FARS2: variants seen among roughly 807,000 people sequenced by gnomAD.
FARS2 encodes the protein phenylalanyl-tRNA synthetase 2, mitochondrial.
In FARS2, 40 loss-of-function variants were observed where a neutral mutation model predicts 46.4. That is an observed-to-expected ratio of 0.86 (90% CI 0.67 to 1.12). The LOEUF (loss-of-function observed/expected upper bound fraction) is 1.12, where lower values mean the gene tolerates loss of function less well. Among genes scored for constraint, FARS2 ranks in the 50% most tolerant of loss-of-function variants. FARS2 has a pLI of 0.00. For missense variants in FARS2, 513 were observed against 567.9 expected (o/e 0.90, Z 0.98); for synonymous variants, 234 against 214.9 (o/e 1.09, Z -0.78).
At chr6:5,737,095 A>T (rs1761000831) in intron 6 of FARS2, among the ~76,000 whole-genome samples, 1 of 152,206 alleles carries the variant, frequency 6.6e-6, no homozygotes, top group African/African-American at 2.4e-5. Flanking sequence ...AGCAACACAG[A>T]TGACCCTGCG....
At chr6:5,250,709 T>A in the FARS2 span, among the ~76,000 whole-genome samples, 1 of 142,106 alleles carries the variant, frequency 7.0e-6, no homozygotes, top group African/African-American at 2.8e-5. Flanking sequence ...TCCAGTAATA[T>A]AAATTCAGAA....
chr6:5,466,407 A>G (rs1765517324), intron 4 of FARS2, among the ~76,000 whole-genome samples: 1 of 152,166 alleles, frequency 6.6e-6, no homozygotes, highest in Non-Finnish European at 1.5e-5. Flanking sequence ...TGCCCCCACT[A>G]GATGCTGAGC....
chr6:5,642,064 T>A (rs1776847001), intron 6 of FARS2, among the ~76,000 whole-genome samples: 1 of 152,206 alleles, frequency 6.6e-6, no homozygotes, highest in African/African-American at 2.4e-5. Flanking sequence ...ATGAATAAGA[T>A]CTCCTTAGCC....
chr6:5,454,817 C>A (rs1458490340), intron 4 of FARS2, among the ~76,000 whole-genome samples: 1 of 152,206 alleles, frequency 6.6e-6, no homozygotes, highest in African/African-American at 2.4e-5. Flanking sequence ...TGCGGACCCG[C>A]CTTCACCGTC....
chr6:5,747,296 G>A (rs1181474734), intron 6 of FARS2, among the ~76,000 whole-genome samples: 1 of 152,250 alleles, frequency 6.6e-6, no homozygotes, highest in Non-Finnish European at 1.5e-5. Flanking sequence ...GAGGAGGGAT[G>A]TGATGTGCCT....
chr6:5,265,861 C>T (rs555955258), intron 1 of FARS2, among the ~76,000 whole-genome samples: 11 of 152,174 alleles, frequency 7.2e-5, no homozygotes, highest in Non-Finnish European at 1.5e-4. Flanking sequence ...GTCACTTCAT[C>T]CCTGATGCTT....
intron 2 of FARS2, among the ~76,000 whole-genome samples, chr6:5,381,024 A>G (rs2432752): frequency 0.66 from 96,955 of 147,948 alleles, 31,885 homozygotes; most frequent in South Asian, 0.74. Context: ...ATTATGAGAC[A>G]GAGTCTCGCT....
chr6:5,501,481 A>G (rs1451691665), intron 4 of FARS2, among the ~76,000 whole-genome samples: 1 of 151,672 alleles, frequency 6.6e-6, no homozygotes, highest in South Asian at 2.1e-4. Context: ...TCATTTTTTT[A>G]TTTTATTTTA....
rs569989241 is a variant in FARS2, at chr6:5,722,637, G to A, written c.1218-48654G>A. The stretch of plus-strand genomic sequence containing the variant: ...CATGGTGAGGAGGGGGAAGCGCAGG[G>A]AGAGAAAAGGTCAGTGAGGCTGTCA... On this transcript the variant is annotated intron_variant, in intron 6 of 6. Transcript: ENST00000274680. Among the ~76,000 whole-genome samples, 3 of 152,320 alleles carry A rather than the reference G, an allele frequency of 2.0e-5. No homozygotes were observed. In the South Asian group the frequency reaches 6.2e-4, roughly 32 times the overall value.
Position 5,444,785 on chromosome 6 carries a change from CGGG to C in FARS2, c.904+13618_904+13620del, listed in dbSNP as rs57065450. On this transcript the variant is annotated intron_variant, in intron 4 of 6. Coordinates refer to ENST00000274680, the MANE Select transcript of FARS2 (RefSeq NM_006567.5). ...GGCTCATGGAAACAGTAAAATGGGG[CGGG>C]GGGGAACTGACCTAATTTTTGAAGC... Among the ~76,000 whole-genome samples, 3 of 28,440 alleles carry C rather than the reference CGGG, an allele frequency of 1.1e-4. No individual in the cohort carries two copies. In the East Asian group the frequency reaches 0.047, roughly 444 times the overall value. 18.7% of individuals were successfully genotyped at this position (28,440 alleles called of 152,430 possible). A position where few individuals can be genotyped will look rare whatever the true frequency, so the allele number is the denominator to read the frequency against.
At chr6:5,560,213 T>C (rs1771909313) in intron 5 of FARS2, among the ~76,000 whole-genome samples, 2 of 152,194 alleles carry the variant, frequency 1.3e-5, no homozygotes, top group Admixed American at 6.5e-5. Context: ...AAGTTTTTTG[T>C]AAAGCATTTT....
intron 1 of FARS2, among the ~76,000 whole-genome samples, chr6:5,279,863 C>A (rs960640328): frequency 6.6e-6 from 1 of 152,134 alleles, no homozygotes; most frequent in Non-Finnish European, 1.5e-5. Context: ...GAGGGCAATC[C>A]GTTATACTTA....
At chr6:5,422,360 T>TTCTC (rs149247829) in intron 3 of FARS2, among the ~76,000 whole-genome samples, 3 of 151,124 alleles carry the variant, frequency 2.0e-5, no homozygotes, top group South Asian at 2.1e-4. Context: ...GCCTGTTTGG[T>TTCTC]TCTCTCTCTC....
chr6:5,717,931 T>TAGAGAGAGAGAGAGAG (rs1175182131), intron 6 of FARS2, among the ~76,000 whole-genome samples: 34 of 118,544 alleles, frequency 2.9e-4, no homozygotes, highest in Admixed American at 6.2e-4. Context: ...TATATATATA[T>TAGAGAGAGAGAGAGAG]ATATACAGAG....
intron 4 of FARS2, among the ~76,000 whole-genome samples, chr6:5,449,758 G>A (rs945735744): frequency 9.9e-5 from 15 of 152,188 alleles, no homozygotes; most frequent in Admixed American, 2.6e-4. Flanking sequence ...CCGAAAACTC[G>A]AAATCAGAAA....
chr6:5,432,576 GT>G (rs1763289206), intron 4 of FARS2, among the ~76,000 whole-genome samples: 1 of 141,192 alleles, frequency 7.1e-6, no homozygotes, highest in South Asian at 2.2e-4. Context: ...GGGAAAGTTG[GT>G]TTGGATTGGG....
intron 6 of FARS2, among the ~76,000 whole-genome samples, chr6:5,650,315 C>A (rs73362214): frequency 1.4e-5 from 2 of 144,042 alleles, no homozygotes; most frequent in African/African-American, 5.2e-5. Flanking sequence ...AGAAATGTTC[C>A]TTAAAATATA....
At chr6:5,552,575 ATGGGACCCTGAGTCCTCACCTG>A (rs1771432880) in intron 5 of FARS2, among the ~76,000 whole-genome samples, 1 of 152,186 alleles carries the variant, frequency 6.6e-6, no homozygotes, top group Non-Finnish European at 1.5e-5. Context: ...TCTCTGATTG[ATGGGACCCTGAGTCCTCACCTG>A]TGTGACTCTT....
intron 6 of FARS2, among the ~76,000 whole-genome samples, chr6:5,699,961 G>A (rs753642328): frequency 6.6e-6 from 1 of 152,044 alleles, no homozygotes; most frequent in Non-Finnish European, 1.5e-5. Context: ...CTATAGTGTG[G>A]CTCCCAAACC....
Sources: allele counts gnomAD v4.1 joint callset (sites outside exome capture counted in the v4.1 genomes callset), GRCh38; gene constraint gnomAD v4.1.1; transcripts MANE v1.5; gene names NCBI Gene and HGNC (gene_info 2026-07-23, HGNC 2026-07-21).